Variants in DAB1 observed in about 807,000 individuals in gnomAD.
The protein encoded by DAB1 is DAB adaptor protein 1.
Under a neutral mutation model 64.6 loss-of-function variants are expected in DAB1, and 15 were observed. The ratio of observed to expected loss-of-function variants is 0.23; its 90% confidence interval spans 0.16 to 0.36. The LOEUF (loss-of-function observed/expected upper bound fraction) is 0.36, where lower values mean the gene tolerates loss of function less well. Ranked by LOEUF, DAB1 falls within the 10% of genes least tolerant of loss-of-function variation. DAB1 has a pLI of 1.00. For missense variants in DAB1, 596 were observed against 706.7 expected (o/e 0.84, Z 1.78); for synonymous variants, 235 against 251.9 (o/e 0.93, Z 0.64).
intron 6 of DAB1, among the ~76,000 whole-genome samples, chr1:57,679,199 AT>A (rs1292327659): frequency 6.6e-6 from 1 of 152,208 alleles, no homozygotes; most frequent in Admixed American, 6.5e-5. Flanking sequence ...ATGAGACCCC[AT>A]AGCCCATTCT....
intron 3 of DAB1, among the ~76,000 whole-genome samples, chr1:58,398,612 T>C (rs1280017632): frequency 6.6e-6 from 1 of 152,228 alleles, no homozygotes; most frequent in Non-Finnish European, 1.5e-5. Flanking sequence ...AGCATTACCT[T>C]GTTTAATCCT....
At chr1:57,334,760 G>A (rs1472692801) in intron 1 of DAB1, among the ~76,000 whole-genome samples, 1 of 152,294 alleles carries the variant, frequency 6.6e-6, no homozygotes, top group African/African-American at 2.4e-5. Flanking sequence ...CCACCATACA[G>A]ATGAGGAAAC....
intron 6 of DAB1, among the ~76,000 whole-genome samples, chr1:57,688,589 C>G (rs1646727716): frequency 6.6e-6 from 1 of 152,078 alleles, no homozygotes; most frequent in African/African-American, 2.4e-5. Context: ...GAAAATAGAT[C>G]ATTATACCAA....
intron 4 of DAB1, among the ~76,000 whole-genome samples, chr1:58,222,485 T>C (rs1014923359): frequency 6.6e-6 from 1 of 152,222 alleles, no homozygotes; most frequent in African/African-American, 2.4e-5. Context: ...GACCTGTAAG[T>C]TATGATGATA....
At position 57,993,878 on chromosome 1, in the gene DAB1, T is replaced by TC. The variant is rs1646384882; in HGVS notation, n.388-109717dup. Among the ~76,000 whole-genome samples the TC allele has an allele frequency of 2.6e-5, 4 of 152,190 alleles. No individual in the cohort carries two copies. In the South Asian group the frequency reaches 8.3e-4, roughly 31 times the overall value. On this transcript the variant is annotated intron_variant and non_coding_transcript_variant, in intron 5 of 20. Coordinates refer to the DAB1 transcript ENST00000485760. ...TAGAAAGAGGCATTTAGGCATTCAT[T>TC]CATTAGTATTTTACAAGTATCTCTG...
chr1:57,572,458 C>A (rs1330984575), intron 7 of DAB1, among the ~76,000 whole-genome samples: 1 of 152,150 alleles, frequency 6.6e-6, no homozygotes, highest in Non-Finnish European at 1.5e-5. Context: ...GTGTTTAAAT[C>A]CTTGCTATAA....
At chr1:58,267,471 G>A (rs1172239461) in intron 4 of DAB1, among the ~76,000 whole-genome samples, 2 of 152,040 alleles carry the variant, frequency 1.3e-5, no homozygotes, top group South Asian at 2.1e-4. Context: ...TATAGTTCAC[G>A]ACCAATGGAA....
intron 5 of DAB1, among the ~76,000 whole-genome samples, chr1:58,071,077 G>C (rs551606199): frequency 3.3e-5 from 5 of 152,148 alleles, no homozygotes; most frequent in Non-Finnish European, 7.3e-5. Flanking sequence ...ATGTGGGAGT[G>C]GGGAGTAGAA....
At chr1:57,396,846 T>C (rs1178629077) in intron 1 of DAB1, among the ~76,000 whole-genome samples, 1 of 152,216 alleles carries the variant, frequency 6.6e-6, no homozygotes, top group African/African-American at 2.4e-5. Flanking sequence ...AAGTCACTTG[T>C]CCATACTAAT....
chr1:58,196,078 C>T (rs1171774414), intron 4 of DAB1, among the ~76,000 whole-genome samples: 2 of 152,110 alleles, frequency 1.3e-5, no homozygotes, highest in Non-Finnish European at 2.9e-5. Flanking sequence ...TTACTTCTAC[C>T]TAGGGTCAGG....
At chr1:58,320,644 C>G (rs1363381171) in intron 4 of DAB1, among the ~76,000 whole-genome samples, 1 of 152,182 alleles carries the variant, frequency 6.6e-6, no homozygotes, top group Non-Finnish European at 1.5e-5. Flanking sequence ...GAAACCTGAC[C>G]TCAACTTCTC....
chr1:58,475,170 T>C (rs1038658785), intron 3 of DAB1, among the ~76,000 whole-genome samples: 13 of 152,192 alleles, frequency 8.5e-5, no homozygotes, highest in Non-Finnish European at 1.8e-4. Context: ...GTAGTAGTAG[T>C]ATTGAAACTG....
At chr1:57,257,544 G>C (rs999999785) in intron 2 of DAB1, among the ~76,000 whole-genome samples, 1 of 152,172 alleles carries the variant, frequency 6.6e-6, no homozygotes, top group Non-Finnish European at 1.5e-5. Context: ...TCAGAACTTG[G>C]ACTTGATCTA....
At chr1:57,834,612 G>GTT (rs1175692538) in intron 1 of DAB1, among the ~76,000 whole-genome samples, 1 of 151,190 alleles carries the variant, frequency 6.6e-6, no homozygotes, top group African/African-American at 2.4e-5. Context: ...TGTGCACACA[G>GTT]TTATATATAT....
rs147298712 is a variant in DAB1, at chr1:58,310,066, G to C, written n.309+33286C>G. Among the ~76,000 whole-genome samples the C allele has an allele frequency of 9.9e-4, 150 of 152,198 alleles. 1 individual carries two copies. The highest frequency in any genetic ancestry group is 3.1e-3 in the African/African-American group (128 of 41,538). ...AAAGCAATTAGTCAAGTGACTACTT[G>C]GCTGATCACTATCAGTCTATTAAAA... On this transcript the variant is annotated intron_variant and non_coding_transcript_variant, in intron 4 of 20. Transcript: ENST00000485760.
intron 2 of DAB1, among the ~76,000 whole-genome samples, chr1:57,233,588 G>A (rs1667866831): frequency 6.6e-6 from 1 of 151,458 alleles, no homozygotes; most frequent in African/African-American, 2.4e-5. Context: ...GTGAAACCCC[G>A]TCTCTACTAA....
chr1:57,325,666 C>T (rs1446722403), intron 1 of DAB1, among the ~76,000 whole-genome samples: 1 of 152,194 alleles, frequency 6.6e-6, no homozygotes, highest in Non-Finnish European at 1.5e-5. Context: ...CCTCCTCCAG[C>T]TCTGGAGTGA....
chr1:57,216,985 G>T (rs1666474704), intron 2 of DAB1, among the ~76,000 whole-genome samples: 1 of 152,126 alleles, frequency 6.6e-6, no homozygotes, highest in East Asian at 1.9e-4. Context: ...TATTTACTGG[G>T]CCATCCAGGG....
chr1:57,272,097 T>C (rs57192294), intron 2 of DAB1, among the ~76,000 whole-genome samples: 2,078 of 152,292 alleles, frequency 0.014, 50 homozygotes, highest in African/African-American at 0.048. Flanking sequence ...AAGGGAGATG[T>C]TGGCGTTTGA....
Sources: allele counts gnomAD v4.1 joint callset (sites outside exome capture counted in the v4.1 genomes callset), GRCh38; gene constraint gnomAD v4.1.1; transcripts MANE v1.5; gene names NCBI Gene and HGNC (gene_info 2026-07-23, HGNC 2026-07-21).